Variants in ASTN2 observed in about 807,000 individuals in gnomAD.
ASTN2 encodes astrotactin-2.
ASTN2 carries 54 observed loss-of-function variants against 139.8 expected under a neutral mutation model. The observed-to-expected ratio is 0.39, with a 90% CI of 0.31 to 0.48. The LOEUF (loss-of-function observed/expected upper bound fraction) is 0.48, where lower values mean the gene tolerates loss of function less well. Among genes scored for constraint, ASTN2 ranks in the 20% least tolerant of loss-of-function variants. The pLI, the probability that ASTN2 is intolerant of heterozygous loss-of-function variation, is 0.95. For missense variants in ASTN2, 1,565 were observed against 1,725.1 expected (o/e 0.91, Z 1.64); for synonymous variants, 756 against 719.5 (o/e 1.05, Z -0.81).
chr9:116,687,228 G>A (rs144793422), intron 16 of ASTN2: 232 of 1,004,540 alleles, frequency 2.3e-4, no homozygotes, highest in Non-Finnish European at 5.0e-5. Context: ...CCAGCTGCAC[G>A]ACAAGCCCCA....
intron 2 of ASTN2, among the ~76,000 whole-genome samples, chr9:117,285,417 C>A (rs893123631): frequency 9.4e-5 from 14 of 149,540 alleles, no homozygotes; most frequent in South Asian, 2.1e-4. Context: ...AATGAAAAAA[C>A]GTCACGGTTG....
chr9:116,894,150 C>T (rs4836899), intron 10 of ASTN2, among the ~76,000 whole-genome samples: 58,695 of 152,068 alleles, frequency 0.39, 13,560 homozygotes, highest in Non-Finnish European at 0.52. Context: ...AAATCCCAGA[C>T]ATTTACTTGC....
At chr9:117,158,011 C>A (rs995264787) in intron 3 of ASTN2, among the ~76,000 whole-genome samples, 5 of 152,036 alleles carry the variant, frequency 3.3e-5, no homozygotes, top group Non-Finnish European at 5.9e-5. Context: ...TGGCATTTAG[C>A]ACAGTGCCAG....
rs1410244919 is a variant in ASTN2, at chr9:116,699,885, C to T, written c.2806+25886G>A. ...TTTGTTATGTCCCCCTCCCCGCTTC[C>T]CACCTAAATTTAGAGCTTTAAAAGA... On this transcript the variant is annotated intron_variant, in intron 16 of 22. Transcript: ENST00000313400. The surrounding 1 kb of genome is among the most constrained non-coding windows in gnomAD (Gnocchi z 4.2). 2.5e-5 allele frequency: 20 copies of T among 811,248 alleles called. No homozygotes were observed. The highest frequency in any genetic ancestry group is 3.9e-5 in the Non-Finnish European group (20 of 512,670). The allele number at this position is 811,248 out of a possible 1,614,324, so 50.3% of individuals were successfully genotyped here. A position where few individuals can be genotyped will look rare whatever the true frequency, so the allele number is the denominator to read the frequency against.
intron 19 of ASTN2, among the ~76,000 whole-genome samples, chr9:116,523,819 T>C (rs1345981774): frequency 6.6e-6 from 1 of 152,130 alleles, no homozygotes; most frequent in Non-Finnish European, 1.5e-5. Flanking sequence ...TCATGGGCCT[T>C]ACTTCACAAA....
chr9:117,074,616 C>T (rs1351976754), intron 5 of ASTN2, among the ~76,000 whole-genome samples: 2 of 152,154 alleles, frequency 1.3e-5, no homozygotes, highest in African/African-American at 4.8e-5. Context: ...GCTGTCAGAA[C>T]AGCAGAAGTG....
intron 12 of ASTN2, among the ~76,000 whole-genome samples, chr9:116,810,060 T>C (rs1009444040): frequency 9.2e-5 from 14 of 152,180 alleles, no homozygotes; most frequent in African/African-American, 2.9e-4. Context: ...ACAATTACAA[T>C]AGACCGTGCA....
chr9:117,266,622 C>G (rs1833944256), intron 2 of ASTN2, among the ~76,000 whole-genome samples: 2 of 152,296 alleles, frequency 1.3e-5, no homozygotes, highest in South Asian at 4.1e-4. Flanking sequence ...CCATGTCTAC[C>G]ACCTGCAAAA....
chr9:116,767,439 T>G (rs1314327362), intron 13 of ASTN2, among the ~76,000 whole-genome samples: 1 of 152,136 alleles, frequency 6.6e-6, no homozygotes, highest in African/African-American at 2.4e-5. Context: ...TCCGCTGAAC[T>G]CAGAACCTCT....
At chr9:117,219,911 C>T (rs1404166212) in intron 2 of ASTN2, among the ~76,000 whole-genome samples, 4 of 152,136 alleles carry the variant, frequency 2.6e-5, no homozygotes, top group Non-Finnish European at 5.9e-5. Context: ...GATGGGGAAA[C>T]CAGGTGCCTG....
intron 16 of ASTN2, among the ~76,000 whole-genome samples, chr9:116,664,028 C>T (rs1334652735): frequency 6.6e-6 from 1 of 152,144 alleles, no homozygotes; most frequent in Non-Finnish European, 1.5e-5. Context: ...ATTTCTGTTG[C>T]TTCTGCCCAT....
At chr9:116,562,733 T>TAAA (rs35878476) in intron 19 of ASTN2, among the ~76,000 whole-genome samples, 84 of 64,324 alleles carry the variant, frequency 1.3e-3, no homozygotes, top group African/African-American at 1.3e-3. Context: ...ACTGCCTCAT[T>TAAA]AAAAAAAAAA....
intron 10 of ASTN2, among the ~76,000 whole-genome samples, chr9:116,958,548 C>T (rs1356022790): frequency 6.6e-6 from 1 of 152,056 alleles, no homozygotes; most frequent in East Asian, 1.9e-4. Flanking sequence ...GAGACCGCAC[C>T]ACTGCACTCC....
chr9:116,512,635 C>CTAAGTCTCTTTG (rs1230032239), intron 19 of ASTN2, among the ~76,000 whole-genome samples: 1 of 152,144 alleles, frequency 6.6e-6, no homozygotes, highest in Non-Finnish European at 1.5e-5. Context: ...ATATGGGAGT[C>CTAAGTCTCTTTG]TAAGTCTCTT....
chr9:116,790,160 A>G (rs1410280644), intron 13 of ASTN2, among the ~76,000 whole-genome samples: 1 of 152,000 alleles, frequency 6.6e-6, no homozygotes. Flanking sequence ...TCCTGACCTC[A>G]GATGATCTGC....
intron 16 of ASTN2, among the ~76,000 whole-genome samples, chr9:116,657,231 A>G (rs1198857906): frequency 6.6e-6 from 1 of 152,218 alleles, no homozygotes; most frequent in East Asian, 1.9e-4. Flanking sequence ...CAGCCTAACA[A>G]TCAAAGTCCT....
chr9:117,261,405 C>A (rs975070847), intron 2 of ASTN2, among the ~76,000 whole-genome samples: 14 of 152,136 alleles, frequency 9.2e-5, no homozygotes, highest in South Asian at 4.2e-4. Context: ...TCAATCTGAC[C>A]TGGATTTAAA....
intron 19 of ASTN2, chr9:116,612,721 T>C (rs1014710180): frequency 2.0e-5 from 3 of 151,892 alleles, no homozygotes; most frequent in Non-Finnish European, 2.9e-5. Context: ...TTTAAAGCAG[T>C]GTGTAGAGGG....
chr9:116,701,880 G>GT (rs11395772), intron 16 of ASTN2, among the ~76,000 whole-genome samples: 51,692 of 133,180 alleles, frequency 0.39, 10,322 homozygotes, highest in South Asian at 0.58. Flanking sequence ...AGTTTTTTGG[G>GT]TTTTTTTTTT....
Sources: allele counts gnomAD v4.1 joint callset (sites outside exome capture counted in the v4.1 genomes callset), GRCh38; gene constraint gnomAD v4.1.1; non-coding constraint Gnocchi (gnomAD v3.1); transcripts MANE v1.5; gene names NCBI Gene and HGNC (gene_info 2026-07-23, HGNC 2026-07-21).